Variants in DNAH12 observed in about 807,000 individuals in gnomAD.
The protein encoded by DNAH12 is dynein axonemal heavy chain 12.
DNAH12 carries 285 observed loss-of-function variants against 371.5 expected under a neutral mutation model. That is an observed-to-expected ratio of 0.77 (90% CI 0.70 to 0.85). The LOEUF (loss-of-function observed/expected upper bound fraction) is 0.85, where lower values mean the gene tolerates loss of function less well. Among genes scored for constraint, DNAH12 ranks in the 40% least tolerant of loss-of-function variants. The pLI is 0.00. For missense variants in DNAH12, 3,611 were observed against 3,689.4 expected, an observed-to-expected ratio of 0.98 and a Z score of 0.55; for synonymous variants, 1,200 against 1,213.0, an observed-to-expected ratio of 0.99 and a Z score of 0.22.
chr3:57,548,159 T>C (rs1051805519), upstream of DNAH12, among the ~76,000 whole-genome samples: 1 of 152,198 alleles, frequency 6.6e-6, no homozygotes. Context: ...ACTGATAACA[T>C]ACAAAAAGAC....
rs1491522942 is a variant in DNAH12, at chr3:57,389,796, A to ATGTGTGTGTGTGTGTGTG, written c.7305+2075_7305+2076insCACACACACACACACACA. Among the ~76,000 whole-genome samples, 5 of 78,806 alleles carry ATGTGTGTGTGTGTGTGTG rather than the reference A, an allele frequency of 6.3e-5. No homozygotes were observed. In the East Asian group the frequency reaches 5.0e-3, roughly 79 times the overall value. 51.7% of individuals were successfully genotyped at this position (78,806 alleles called of 152,430 possible). On this transcript the variant is annotated intron_variant, in intron 45 of 73. Coordinates refer to ENST00000495027, the MANE Select transcript of DNAH12 (RefSeq NM_001366028.2). ...TATATACATATAAATATATATACAC[A>ATGTGTGTGTGTGTGTGTG]TATGTGTGTGTGTGTGTGTGTGTGT... is the stretch of plus-strand genomic sequence containing the variant.
chr3:57,529,142 G>C (rs112982715), intron 2 of DNAH12, among the ~76,000 whole-genome samples: 3,764 of 152,194 alleles, frequency 0.025, 150 homozygotes, highest in African/African-American at 0.083. Context: ...TGTTTTGCTA[G>C]TATTTTGTTG....
rs1553680590 is a variant in DNAH12 at position 57,405,068 on chromosome 3, A to G, written c.6656T>C (p.Ile2219Thr). The change falls in exon 42 of 74, where the codon ATT (isoleucine) becomes ACT (threonine). Residue 2219 changes from isoleucine (I) to threonine (T), a missense_variant. Coordinates refer to ENST00000495027, the MANE Select transcript of DNAH12 (RefSeq NM_001366028.2). Reference protein sequence around the residue: ...PDLEGDDRVYIEIPNIHHFSD... With the variant: ...PDLEGDDRVYTEIPNIHHFSD... ...AAAATGATGAATATTTGGAATTTCA[A>G]TATAAACTCTATCATCTCCTTCAAG... The G allele has an allele frequency of 6.5e-7, 1 of 1,547,088 alleles. No homozygotes were observed. Among genetic ancestry groups the G allele is most frequent in the Admixed American group, 2.0e-5 (1 of 49,934 alleles).
intron 9 of DNAH12, among the ~76,000 whole-genome samples, chr3:57,503,218 A>C (rs190365962): frequency 1.6e-4 from 25 of 152,280 alleles, no homozygotes; most frequent in African/African-American, 5.1e-4. Flanking sequence ...ATGTCTGTGA[A>C]TAGCCACTGC....
At chr3:57,446,758 C>T in intron 25 of DNAH12, 69 bp from the exon 26 acceptor site, 4 of 1,350,550 alleles carry the variant, frequency 3.0e-6, no homozygotes, top group Non-Finnish European at 3.9e-6. Flanking sequence ...CACTTGTTTA[C>T]CAAATGGATT....
chr3:57,408,207 C>CA (rs1317059760), intron 40 of DNAH12, 73 bp downstream of exon 40: 23 of 1,419,898 alleles, frequency 1.6e-5, no homozygotes, highest in East Asian at 5.2e-5. Context: ...CAGATAGCAT[C>CA]AAAAAAATAA....
chr3:57,440,535 G>C (rs917972857), intron 29 of DNAH12, among the ~76,000 whole-genome samples: 1 of 152,196 alleles, frequency 6.6e-6, no homozygotes, highest in Admixed American at 6.5e-5. Flanking sequence ...GGGGAAGAGA[G>C]AGGGAGGGGA....
chr3:57,401,136 A>C (rs1236333543), intron 43 of DNAH12, among the ~76,000 whole-genome samples: 1 of 152,190 alleles, frequency 6.6e-6, no homozygotes, highest in Non-Finnish European at 1.5e-5. Context: ...CAAAGAAGAA[A>C]TCACAAGGGA....
At chr3:57,509,521 A>G (rs554437491) in intron 5 of DNAH12, among the ~76,000 whole-genome samples, 1 of 152,274 alleles carries the variant, frequency 6.6e-6, no homozygotes, top group East Asian at 1.9e-4. Flanking sequence ...TGTTGGTCAC[A>G]GGCTACAAAA....
At chr3:57,468,675 A>G in intron 17 of DNAH12, 61 bp downstream of exon 17, 1 of 938,432 alleles carries the variant, frequency 1.1e-6, no homozygotes, top group South Asian at 2.9e-5. Flanking sequence ...TTTATATATT[A>G]GGTAACAGAA....
rs1054915064 is a variant in DNAH12 at position 57,509,180 on chromosome 3, A to T, written c.502T>A (p.Ser168Thr). The T allele has an allele frequency of 1.9e-6, 3 of 1,613,850 alleles. No individual in the cohort carries two copies. Among genetic ancestry groups the T allele is most frequent in the Non-Finnish European group, 2.5e-6 (3 of 1,179,954 alleles). Residue 168 changes from serine (S) to threonine (T), a missense_variant, in exon 6 of 74, where the codon TCG (serine) becomes ACG (threonine). This residue lies in a region of DNAH12 where 1,314 missense variants were observed against 1,398.7 expected (regional missense o/e 0.94). Transcript: ENST00000495027. ...QSVLVKPPVK[S>T]LEDEGGPLPE... ...AAAGGACCTCCTTCATCTTCAAGCG[A>T]TTTAACTGGTGGTTTCACAAGAACG... is the stretch of plus-strand genomic sequence containing the variant.
chr3:57,532,143 C>T (rs2068871909), intron 2 of DNAH12, among the ~76,000 whole-genome samples: 1 of 152,116 alleles, frequency 6.6e-6, no homozygotes, highest in African/African-American at 2.4e-5. Context: ...ATCCATTCTT[C>T]AGTATTTCAA....
chr3:57,440,835 A>G (rs2065279558), intron 29 of DNAH12, among the ~76,000 whole-genome samples: 1 of 152,094 alleles, frequency 6.6e-6, no homozygotes, highest in South Asian at 2.1e-4. Context: ...TAAAAATACA[A>G]AAAAATTAGC....
intron 40 of DNAH12, among the ~76,000 whole-genome samples, chr3:57,406,879 G>A (rs1575557092): frequency 6.6e-6 from 1 of 152,104 alleles, no homozygotes; most frequent in African/African-American, 2.4e-5. Context: ...TTATAATATA[G>A]TCAAAAAAGG....
chr3:57,448,803 G>A (rs944852535), intron 25 of DNAH12, among the ~76,000 whole-genome samples: 3 of 152,214 alleles, frequency 2.0e-5, no homozygotes, highest in Non-Finnish European at 4.4e-5. Flanking sequence ...GGACACAAAG[G>A]TTCTCCAAAG....
rs2067529229 is a variant in DNAH12, at chr3:57,501,173, A to G, written c.1335+148T>C. On this transcript the variant is annotated intron_variant, in intron 11 of 73. Transcript: ENST00000495027. ...TTAATAAATGAGTAAATGAATGACT[A>G]AAGAAATTGTAAGGTAAGACAATGA... 5 of 625,530 alleles carry G rather than the reference A, an allele frequency of 8.0e-6. 1 individual carries two copies. The East Asian group carries it at 1.7e-4, about 21-fold the overall frequency. 38.7% of individuals were successfully genotyped at this position (625,530 alleles called of 1,614,324 possible).
At chr3:57,349,116 T>C (rs950265899) in intron 60 of DNAH12, among the ~76,000 whole-genome samples, 6 of 151,956 alleles carry the variant, frequency 3.9e-5, no homozygotes, top group Non-Finnish European at 7.4e-5. Flanking sequence ...TACAAGGAAC[T>C]CAAATTAGCA....
chr3:57,373,184 T>A (rs2063211237), intron 55 of DNAH12, among the ~76,000 whole-genome samples: 5 of 152,222 alleles, frequency 3.3e-5, no homozygotes, highest in Admixed American at 3.3e-4. Context: ...TGTTTGTTAC[T>A]CTGGCTTGGG....
At position 57,499,646 on chromosome 3, in the gene DNAH12, AAATATATATATAT is replaced by A. The variant is rs1367870330; in HGVS notation, c.1335+1662_1335+1674del. On this transcript the variant is annotated intron_variant, in intron 11 of 73. Transcript: ENST00000495027. ...CCATCTCTACAAAAAAAAAAAAAAA[AAATATATATATAT>A]ATATATATATATATATACTTCTTAA... Among the ~76,000 whole-genome samples the A allele has an allele frequency of 1.7e-3, 54 of 32,054 alleles. 6 individuals are homozygous for A. The highest frequency in any genetic ancestry group is 2.9e-3 in the Non-Finnish European group (43 of 15,070). The allele number at this position is 32,054 out of a possible 152,430, so 21.0% of individuals were successfully genotyped here.
Sources: allele counts gnomAD v4.1 joint callset (sites outside exome capture counted in the v4.1 genomes callset), GRCh38; gene constraint gnomAD v4.1.1; regional missense constraint gnomAD v4.1.1; transcripts MANE v1.5; gene names NCBI Gene and HGNC (gene_info 2026-07-23, HGNC 2026-07-21).